The following COL5A1 variants were observed in gnomAD, a reference collection of about 807,000 sequenced individuals.
COL5A1 encodes the protein collagen alpha-1(V) chain.
Under a neutral mutation model 263.7 loss-of-function variants are expected in COL5A1, and 16 were observed. The ratio of observed to expected loss-of-function variants is 0.06; its 90% confidence interval spans 0.04 to 0.09. COL5A1 has a LOEUF of 0.09. COL5A1 is among the 10% of genes least tolerant of loss of function. The pLI, the probability that COL5A1 is intolerant of heterozygous loss-of-function variation, is 1.00. For missense variants in COL5A1, 2,036 were observed against 2,540.5 expected, an observed-to-expected ratio of 0.80 and a Z score of 4.27; for synonymous variants, 1,012 against 1,004.5, an observed-to-expected ratio of 1.01 and a Z score of -0.14.
intron 4 of COL5A1, among the ~76,000 whole-genome samples, chr9:134,722,097 T>C (rs1450440827): frequency 6.6e-6 from 1 of 152,212 alleles, no homozygotes; most frequent in Non-Finnish European, 1.5e-5. Context: ...ACACACCGGC[T>C]CTTTCTAGTG....
intron 1 of COL5A1, among the ~76,000 whole-genome samples, chr9:134,648,387 A>C (rs1447918487): frequency 6.6e-6 from 1 of 151,778 alleles, no homozygotes; most frequent in African/African-American, 2.4e-5. Context: ...AGCTCTGCTC[A>C]TAGGCAGGAC....
At chr9:134,732,927 G>A (rs3124313) in intron 9 of COL5A1, among the ~76,000 whole-genome samples, 66,244 of 152,086 alleles carry the variant, frequency 0.44, 15,469 homozygotes, top group Admixed American at 0.6. Flanking sequence ...CCCCGCCGCC[G>A]GCAGGCAGGA....
intron 7 of COL5A1, among the ~76,000 whole-genome samples, 167 bp downstream of exon 7, chr9:134,730,642 G>A (rs187629415): frequency 5.3e-4 from 81 of 152,372 alleles, no homozygotes; most frequent in Non-Finnish European, 7.6e-4. Flanking sequence ...GCTGGGTGGC[G>A]TAATACTTCC....
chr9:134,840,305 A>G (rs1485869749), intron 65 of COL5A1, among the ~76,000 whole-genome samples: 1 of 152,128 alleles, frequency 6.6e-6, no homozygotes, highest in African/African-American at 2.4e-5. Context: ...GGGTTGTGAG[A>G]AGGGCAGGGT....
rs545281631 is a variant in COL5A1, at chr9:134,775,710, A to C, written c.2385+798A>C. ...TGCGGTATCTTAAAGGCTCATGATG[A>C]TTCTTTCCTTCAAGATGCTTTTAAC... On this transcript the variant is annotated intron_variant, in intron 27 of 65. Transcript: ENST00000371817. Among the ~76,000 whole-genome samples the C allele has an allele frequency of 8.5e-5, 13 of 152,238 alleles. No homozygotes were observed. The South Asian group carries it at 2.7e-3, about 32-fold the overall frequency.
At chr9:134,743,898 A>G (rs1835379046) in intron 11 of COL5A1, among the ~76,000 whole-genome samples, 1 of 152,198 alleles carries the variant, frequency 6.6e-6, no homozygotes, top group African/African-American at 2.4e-5. Flanking sequence ...TCCCAGCCAG[A>G]AAGTGTGGCT....
chr9:134,736,844 C>T (rs137896728), intron 9 of COL5A1, among the ~76,000 whole-genome samples: 100 of 152,322 alleles, frequency 6.6e-4, no homozygotes, highest in African/African-American at 2.3e-3. Context: ...AAAAGAGAAG[C>T]ATGAAGAAAG....
chr9:134,733,855 C>T (rs957040739), intron 9 of COL5A1, among the ~76,000 whole-genome samples: 1 of 152,216 alleles, frequency 6.6e-6, no homozygotes, highest in African/African-American at 2.4e-5. Flanking sequence ...CCAGACTTGG[C>T]CCCCAGGTAG....
chr9:134,735,540 A>C (rs1453993892), intron 9 of COL5A1, among the ~76,000 whole-genome samples: 2 of 152,198 alleles, frequency 1.3e-5, no homozygotes, highest in Non-Finnish European at 2.9e-5. Flanking sequence ...CCTCAGGCGC[A>C]TTCATCCAGC....
rs1191659494 is a variant in COL5A1, at chr9:134,841,277, C to T, written c.5371-880C>T. Among the ~76,000 whole-genome samples, 5 of 152,156 alleles carry T rather than the reference C, an allele frequency of 3.3e-5. No homozygotes were observed. Among genetic ancestry groups the T allele is most frequent in the African/African-American group, 1.2e-4 (5 of 41,438 alleles). On this transcript the variant is annotated intron_variant, in intron 65 of 65. Coordinates refer to ENST00000371817, the MANE Select transcript of COL5A1 (RefSeq NM_000093.5). This position sits in a 1 kb window ranked among gnomAD's most constrained non-coding sequence, Gnocchi z 4.8. ...GCGGGAAAGGTGCGGCCTCCAGGGC[C>T]CTTGTCTTGGGGGAAGTTGACGGGA...
At chr9:134,684,783 G>A (rs1206388083) in intron 1 of COL5A1, among the ~76,000 whole-genome samples, 3 of 152,138 alleles carry the variant, frequency 2.0e-5, no homozygotes, top group Non-Finnish European at 4.4e-5. Flanking sequence ...ATTGGCTGGT[G>A]GAAAGGCTGA....
intron 38 of COL5A1, 30 bp downstream of exon 38, chr9:134,802,037 G>T (rs1365565176): frequency 6.2e-7 from 1 of 1,601,940 alleles, no homozygotes; most frequent in Non-Finnish European, 8.5e-7. Context: ...GATTCCATGG[G>T]TCACTCGGTG....
At chr9:134,828,474 C>G (rs1452779907) in intron 63 of COL5A1, among the ~76,000 whole-genome samples, 1 of 151,596 alleles carries the variant, frequency 6.6e-6, no homozygotes, top group South Asian at 2.1e-4. Context: ...ACACTACACA[C>G]CACACGCACA....
At chr9:134,759,064 G>C (rs931246101) in intron 18 of COL5A1, among the ~76,000 whole-genome samples, 7 of 152,032 alleles carry the variant, frequency 4.6e-5, no homozygotes, top group African/African-American at 1.7e-4. Flanking sequence ...CAGCCCATTT[G>C]GGGGCCTGAC....
chr9:134,704,893 A>G (rs142447560), intron 4 of COL5A1, among the ~76,000 whole-genome samples: 91 of 151,450 alleles, frequency 6.0e-4, no homozygotes, highest in African/African-American at 2.2e-3. Context: ...GAGAATTTCT[A>G]TTTCTTTTGA....
chr9:134,806,386 C>CAAGGAAATACCCCTGGGGA, intron 42 of COL5A1, 90 bp downstream of exon 42: 2 of 903,580 alleles, frequency 2.2e-6, no homozygotes, highest in Non-Finnish European at 3.4e-6. Flanking sequence ...TGTGATGTCC[C>CAAGGAAATACCCCTGGGGA]CAGGGGTATT....
intron 5 of COL5A1, 47 bp downstream of exon 5, chr9:134,727,444 T>C (rs939727998): frequency 6.2e-7 from 1 of 1,609,502 alleles, no homozygotes; most frequent in Non-Finnish European, 8.5e-7. Flanking sequence ...GCAGACTACT[T>C]GGGATGGTTG....
chr9:134,769,234 C>T (rs1187839534), intron 25 of COL5A1, among the ~76,000 whole-genome samples: 3 of 152,328 alleles, frequency 2.0e-5, no homozygotes, highest in East Asian at 3.9e-4. Flanking sequence ...TGATGATTAT[C>T]GGTGACTGCT....
In COL5A1 at chr9:134,754,932, GA is replaced by G. The variant is rs1835917252; in HGVS notation, c.1827+609del. 2.0e-5 allele frequency among the ~76,000 whole-genome samples: 3 copies of G among 152,282 alleles called. No individual in the cohort carries two copies. The South Asian group carries it at 6.2e-4, about 32-fold the overall frequency. The stretch of plus-strand genomic sequence containing the variant: ...CAGCAGACCTTTCTGGTGAACGAGA[GA>G]AATTTCGGTGCAGGGTTGGATTTGT... On this transcript the variant is annotated intron_variant, in intron 16 of 65. Coordinates refer to ENST00000371817, the MANE Select transcript of COL5A1 (RefSeq NM_000093.5). The surrounding 1 kb of genome is among the most constrained non-coding windows in gnomAD (Gnocchi z 4.3).
Sources: gnomAD v4.1 joint callset for allele counts (sites outside exome capture counted in the v4.1 genomes callset) on GRCh38, gnomAD v4.1.1 for gene constraint, Gnocchi (gnomAD v3.1) non-coding constraint, MANE v1.5 for transcripts, NCBI Gene and HGNC (gene_info 2026-07-23, HGNC 2026-07-21) for gene names.